TEAD1: variants seen among roughly 807,000 people sequenced by gnomAD.
The protein encoded by TEAD1 is transcriptional enhancer factor TEF-1.
Under a neutral mutation model 54.9 loss-of-function variants are expected in TEAD1, and 9 were observed. The observed-to-expected ratio is 0.16, with a 90% CI of 0.10 to 0.29. The LOEUF is 0.29. Among genes scored for constraint, TEAD1 ranks in the 10% least tolerant of loss-of-function variants. The pLI is 1.00. For synonymous variants in TEAD1, 200 were observed against 187.8 expected, an observed-to-expected ratio of 1.07 and a Z score of -0.53; for missense variants, 387 against 535.9, an observed-to-expected ratio of 0.72 and a Z score of 2.74.
At chr11:12,681,412 A>G (rs1299876463) in intron 2 of TEAD1, among the ~76,000 whole-genome samples, 2 of 152,138 alleles carry the variant, frequency 1.3e-5, no homozygotes, top group Non-Finnish European at 2.9e-5. Context: ...AATTATTACC[A>G]TTTATATAAT....
chr11:12,872,081 T>C (rs1297848646), intron 5 of TEAD1, among the ~76,000 whole-genome samples: 3 of 152,196 alleles, frequency 2.0e-5, no homozygotes, highest in African/African-American at 7.2e-5. Flanking sequence ...TTCCTTCCAA[T>C]AGGCAGAGAG....
Position 12,937,130 on chromosome 11 carries a change from CAAG to C in TEAD1, c.1192_1194del (p.Glu398del). 1 of 1,613,676 alleles carries C rather than the reference CAAG, an allele frequency of 6.2e-7. No individual in the cohort carries two copies. The highest frequency in any genetic ancestry group is 8.5e-7 in the Non-Finnish European group (1 of 1,179,818). On this transcript the variant is annotated inframe_deletion, in exon 13 of 13. Coordinates refer to ENST00000527636, the MANE Select transcript of TEAD1 (RefSeq NM_021961.6). ...ACAGGTGGTAACAAACAGGGATACA[CAAG>C]AAACTCTACTCTGCATGGCCTGTGT... is the stretch of plus-strand genomic sequence containing the variant.
chr11:12,751,003 G>T (rs539594875), intron 2 of TEAD1, among the ~76,000 whole-genome samples: 2 of 152,310 alleles, frequency 1.3e-5, no homozygotes, highest in Admixed American at 1.3e-4. Flanking sequence ...GCATTCTGCT[G>T]AATGCCAAAC....
At chr11:12,837,145 G>C (rs1199720613) in intron 3 of TEAD1, among the ~76,000 whole-genome samples, 1 of 152,168 alleles carries the variant, frequency 6.6e-6, no homozygotes, top group African/African-American at 2.4e-5. Context: ...AGTTTATGCT[G>C]CAAGCATATT....
chr11:12,720,843 C>T (rs1944180112), intron 2 of TEAD1, among the ~76,000 whole-genome samples: 1 of 152,168 alleles, frequency 6.6e-6, no homozygotes, highest in Non-Finnish European at 1.5e-5. Context: ...AGACCCTCTC[C>T]CAGCATTCCC....
intron 10 of TEAD1, among the ~76,000 whole-genome samples, chr11:12,917,705 T>C (rs533287263): frequency 1.3e-5 from 2 of 152,342 alleles, no homozygotes; most frequent in African/African-American, 2.4e-5. Flanking sequence ...TTTCTGCTTT[T>C]GGAGGTAGGA....
chr11:12,805,910 T>C (rs1232201643), intron 3 of TEAD1, among the ~76,000 whole-genome samples: 1 of 152,142 alleles, frequency 6.6e-6, no homozygotes, highest in Non-Finnish European at 1.5e-5. Flanking sequence ...CACTAGGAAT[T>C]TTGCTGAGTA....
At chr11:12,817,934 A>G (rs185583118) in intron 3 of TEAD1, among the ~76,000 whole-genome samples, 2 of 152,336 alleles carry the variant, frequency 1.3e-5, no homozygotes, top group East Asian at 3.9e-4. Context: ...TTACCCACAC[A>G]TTGTGGTTAT....
intron 3 of TEAD1, among the ~76,000 whole-genome samples, chr11:12,814,169 C>A (rs1023190231): frequency 2.6e-5 from 4 of 152,094 alleles, no homozygotes; most frequent in Non-Finnish European, 5.9e-5. Flanking sequence ...CAGTGGATGT[C>A]ATTGTTTGCT....
intron 10 of TEAD1, among the ~76,000 whole-genome samples, chr11:12,906,109 A>G (rs1948513616): frequency 1.3e-5 from 2 of 152,048 alleles, no homozygotes; most frequent in African/African-American, 4.8e-5. Flanking sequence ...CCCCTCTACC[A>G]TATAAGCTTT....
intron 3 of TEAD1, among the ~76,000 whole-genome samples, chr11:12,778,529 CT>C (rs775536398): frequency 0.056 from 7,007 of 125,754 alleles, 412 homozygotes; most frequent in African/African-American, 0.17. Flanking sequence ...TCATCAGACT[CT>C]TTTTTTTTTT....
chr11:12,719,949 G>GCTTT (rs1944151199), intron 2 of TEAD1, among the ~76,000 whole-genome samples: 1 of 39,990 alleles, frequency 2.5e-5, no homozygotes, highest in African/African-American at 5.6e-5. Context: ...GAAATCTAAT[G>GCTTT]TTTTTTTTTT....
At position 12,938,331 on chromosome 11, in the gene TEAD1, G is replaced by A. The variant is rs1453622986; in HGVS notation, c.*1109G>A. 6.6e-6 allele frequency: 1 copy of A among 152,618 alleles called. No individual in the cohort carries two copies. The highest frequency in any genetic ancestry group is 2.4e-5 in the African/African-American group (1 of 41,466). The allele number at this position is 152,618 out of a possible 1,614,324, so 9.5% of individuals were successfully genotyped here. On this transcript the variant is annotated 3_prime_UTR_variant, in exon 13 of 13. Transcript: ENST00000527636. ...TAGCATCTCTGCTCCCCAGAAAATT[G>A]TAAGCATCCTCACCAGCCTGTGGAT... is the stretch of plus-strand genomic sequence containing the variant.
chr11:12,827,442 C>G (rs1429304689), intron 3 of TEAD1, among the ~76,000 whole-genome samples: 2 of 152,150 alleles, frequency 1.3e-5, no homozygotes, highest in Non-Finnish European at 2.9e-5. Flanking sequence ...GTCAACAACC[C>G]TAGGCTTGGG....
intron 3 of TEAD1, among the ~76,000 whole-genome samples, chr11:12,843,242 C>T (rs1283890046): frequency 1.3e-5 from 2 of 152,158 alleles, no homozygotes; most frequent in African/African-American, 4.8e-5. Flanking sequence ...GAGCCCAGCT[C>T]TAAGGGTAGG....
At chr11:12,838,350 T>G (rs1946950871) in intron 3 of TEAD1, among the ~76,000 whole-genome samples, 1 of 152,206 alleles carries the variant, frequency 6.6e-6, no homozygotes, top group Non-Finnish European at 1.5e-5. Context: ...CCTAGGCCCT[T>G]GATCCTTTAA....
chr11:12,864,657 G>C, intron 4 of TEAD1, 181 bp from the exon 5 acceptor site: 1 of 1,383,754 alleles, frequency 7.2e-7, no homozygotes, highest in Non-Finnish European at 9.4e-7. Context: ...GTTTTGTTTT[G>C]TTTCCCCTCA....
intron 2 of TEAD1, among the ~76,000 whole-genome samples, chr11:12,743,022 G>A (rs1944676505): frequency 6.6e-6 from 1 of 152,188 alleles, no homozygotes; most frequent in South Asian, 2.1e-4. Flanking sequence ...ATACGTCCAG[G>A]CTAGCACCTT....
chr11:12,677,733 C>T (rs1044238826), intron 2 of TEAD1, among the ~76,000 whole-genome samples: 21 of 152,108 alleles, frequency 1.4e-4, no homozygotes, highest in African/African-American at 4.8e-4. Flanking sequence ...GCATGTAGAT[C>T]CCAAATATTA....
Sources: allele counts gnomAD v4.1 joint callset (sites outside exome capture counted in the v4.1 genomes callset), GRCh38; gene constraint gnomAD v4.1.1; transcripts MANE v1.5; gene names NCBI Gene and HGNC (gene_info 2026-07-23, HGNC 2026-07-21).